Variants in PDZD2 observed in about 807,000 individuals in gnomAD.
PDZD2 encodes the protein PDZ domain-containing protein 2.
A neutral mutation model predicts 220.7 loss-of-function variants in PDZD2; 90 were observed. The ratio of observed to expected loss-of-function variants is 0.41; its 90% CI spans 0.34 to 0.49. The LOEUF (loss-of-function observed/expected upper bound fraction) is 0.49, where lower values mean the gene tolerates loss of function less well. Ranked by LOEUF, PDZD2 falls within the 20% of genes least tolerant of loss-of-function variation. The pLI is 0.28. For missense variants in PDZD2, 3,174 were observed against 3,608.5 expected (o/e 0.88, Z 3.08); for synonymous variants, 1,375 against 1,450.5 (o/e 0.95, Z 1.18).
chr5:31,880,963 G>A (rs577384325), intron 2 of PDZD2, among the ~76,000 whole-genome samples: 5 of 151,492 alleles, frequency 3.3e-5, no homozygotes, highest in East Asian at 1.9e-4. Context: ...CACCATGCCC[G>A]GCTAATTTCT....
chr5:31,749,250 A>T (rs1750786593), intron 1 of PDZD2, among the ~76,000 whole-genome samples: 1 of 152,220 alleles, frequency 6.6e-6, no homozygotes, highest in South Asian at 2.1e-4. Flanking sequence ...GCCCTAGATC[A>T]GTGACACAGC....
intron 2 of PDZD2, among the ~76,000 whole-genome samples, chr5:31,914,495 T>A (rs527431214): frequency 4.7e-4 from 72 of 152,244 alleles, no homozygotes; most frequent in Non-Finnish European, 8.1e-4. Context: ...ACCACTGCAC[T>A]CCAGCCTGGG....
At chr5:31,807,652 G>A (rs961154561) in intron 2 of PDZD2, among the ~76,000 whole-genome samples, 2 of 152,190 alleles carry the variant, frequency 1.3e-5, no homozygotes, top group African/African-American at 4.8e-5. Context: ...TGAGCGAGTG[G>A]CGTGGCATGG....
In PDZD2 at chr5:31,776,848, A is replaced by G. The variant is rs1287731652; in HGVS notation, c.-360-22041A>G. 2.0e-5 allele frequency among the ~76,000 whole-genome samples: 3 copies of G among 151,412 alleles called. No individual in the cohort carries two copies. The East Asian group carries it at 5.8e-4, about 29-fold the overall frequency. Reference sequence around the variant, plus strand: ...TTTTTTTTGTATTCTTGGTAGAGACAGGGTTTCACCATGTTGGCCAGGCTG... The same window carrying G: ...TTTTTTTTGTATTCTTGGTAGAGACGGGGTTTCACCATGTTGGCCAGGCTG... On this transcript the variant is annotated intron_variant, in intron 1 of 24. Transcript: ENST00000438447.
chr5:31,828,710 A>G (rs1362438520), intron 2 of PDZD2, among the ~76,000 whole-genome samples: 2 of 152,198 alleles, frequency 1.3e-5, no homozygotes, highest in African/African-American at 2.4e-5. Flanking sequence ...TGTGTTTCCC[A>G]TACTGGTCTC....
At chr5:31,681,623 A>G (rs1178601564) in intron 1 of PDZD2, among the ~76,000 whole-genome samples, 1 of 152,064 alleles carries the variant, frequency 6.6e-6, no homozygotes, top group Non-Finnish European at 1.5e-5. Context: ...GTCTATGTCT[A>G]TCTTCCTGTC....
intron 1 of PDZD2, among the ~76,000 whole-genome samples, chr5:31,719,111 CA>C (rs1748630767): frequency 6.6e-6 from 1 of 152,116 alleles, no homozygotes; most frequent in Non-Finnish European, 1.5e-5. Flanking sequence ...GCAGGGGTCA[CA>C]ATTCAGCTTG....
intron 1 of PDZD2, among the ~76,000 whole-genome samples, chr5:31,795,268 TG>T (rs1411475035): frequency 6.6e-6 from 1 of 152,168 alleles, no homozygotes; most frequent in Non-Finnish European, 1.5e-5. Context: ...TTCACCCCCT[TG>T]TGAGTAAAGT....
At chr5:31,946,693 T>C (rs939116725) in intron 2 of PDZD2, among the ~76,000 whole-genome samples, 7 of 152,218 alleles carry the variant, frequency 4.6e-5, no homozygotes, top group Admixed American at 1.3e-4. Context: ...TCTTTTTGTT[T>C]CGTTTTGTTT....
intron 2 of PDZD2, among the ~76,000 whole-genome samples, chr5:31,912,689 A>G (rs1743312492): frequency 6.6e-6 from 1 of 152,244 alleles, no homozygotes; most frequent in African/African-American, 2.4e-5. Flanking sequence ...CCAAAATGAA[A>G]AAACAGCTCA....
intron 1 of PDZD2, among the ~76,000 whole-genome samples, chr5:31,647,540 G>T (rs1745179946): frequency 1.3e-5 from 2 of 152,154 alleles, no homozygotes; most frequent in Admixed American, 1.3e-4. Context: ...GACATTCCTT[G>T]CACTGCTTCA....
intron 1 of PDZD2, among the ~76,000 whole-genome samples, chr5:31,769,058 G>A (rs935713991): frequency 2.6e-5 from 4 of 152,216 alleles, no homozygotes; most frequent in African/African-American, 9.6e-5. Flanking sequence ...ATGGAATTCG[G>A]TTTGCAGGGG....
At chr5:32,081,623 C>T (rs1308275261) in intron 19 of PDZD2, among the ~76,000 whole-genome samples, 1 of 152,226 alleles carries the variant, frequency 6.6e-6, no homozygotes, top group Non-Finnish European at 1.5e-5. Context: ...GTTGGTCCTG[C>T]TGAGTACTTG....
rs78114850 is a variant in PDZD2, at chr5:31,741,254, G to C, written c.-360-57635G>C. 6.6e-3 allele frequency among the ~76,000 whole-genome samples: 1,006 copies of C among 152,198 alleles called. 10 individuals are homozygous for C. Among genetic ancestry groups the C allele is most frequent in the African/African-American group, 0.023 (966 of 41,528 alleles). The stretch of plus-strand genomic sequence containing the variant: ...AAGATTGAAGAAATAACTCAAAATT[G>C]TGGTGGTTTCTGGTTGGTGAGATTG... On this transcript the variant is annotated intron_variant, in intron 1 of 24. Coordinates refer to ENST00000438447, the MANE Select transcript of PDZD2 (RefSeq NM_178140.4).
chr5:31,848,290 T>C (rs1283000153), intron 2 of PDZD2: 1 of 176,372 alleles, frequency 5.7e-6, no homozygotes, highest in East Asian at 1.7e-4. Context: ...TCAGTTCATG[T>C]GTCTTAAGGC....
intron 2 of PDZD2, among the ~76,000 whole-genome samples, chr5:31,862,391 A>G (rs1005060742): frequency 1.3e-5 from 2 of 152,038 alleles, no homozygotes; most frequent in Non-Finnish European, 2.9e-5. Flanking sequence ...GGCATGAGCC[A>G]CCATGCCAGG....
chr5:31,861,670 T>C (rs1737716658), intron 2 of PDZD2, among the ~76,000 whole-genome samples: 1 of 152,120 alleles, frequency 6.6e-6, no homozygotes, highest in African/African-American at 2.4e-5. Context: ...TGCTTCTGCT[T>C]GTGAAAAGCC....
intron 1 of PDZD2, among the ~76,000 whole-genome samples, chr5:31,761,428 G>C (rs7707484): frequency 1.4e-5 from 2 of 145,536 alleles, no homozygotes; most frequent in East Asian, 4.1e-4. Flanking sequence ...AAAGGAGAAA[G>C]TTAAAAGTAA....
At chr5:31,823,204 C>T (rs1239959232) in intron 2 of PDZD2, 12 of 362,934 alleles carry the variant, frequency 3.3e-5, no homozygotes, top group Admixed American at 7.9e-5. Flanking sequence ...TTGTGGCTCA[C>T]GCCTGTAATC....
Sources: allele counts gnomAD v4.1 joint callset (sites outside exome capture counted in the v4.1 genomes callset), GRCh38; gene constraint gnomAD v4.1.1; transcripts MANE v1.5; gene names NCBI Gene and HGNC (gene_info 2026-07-23, HGNC 2026-07-21).